Variants in CERT1 observed in about 807,000 individuals in gnomAD.
CERT1 encodes the protein ceramide transfer protein.
CERT1 carries 31 observed loss-of-function variants against 87.9 expected under a neutral mutation model. That is an observed-to-expected ratio of 0.35 (90% CI 0.27 to 0.48). The LOEUF is 0.48. CERT1 is among the 20% of genes least tolerant of loss of function. The pLI, the probability that CERT1 is intolerant of heterozygous loss-of-function variation, is 0.99. For synonymous variants in CERT1, 289 were observed against 250.9 expected, an observed-to-expected ratio of 1.15 and a Z score of -1.44; for missense variants, 487 against 758.0, an observed-to-expected ratio of 0.64 and a Z score of 4.20.
chr5:75,495,783 A>C (rs897808435), intron 2 of CERT1, among the ~76,000 whole-genome samples: 1 of 152,224 alleles, frequency 6.6e-6, no homozygotes, highest in Admixed American at 6.5e-5. Context: ...CAAAACATAG[A>C]AAAAAGTAAA....
intron 5 of CERT1, among the ~76,000 whole-genome samples, chr5:75,422,363 C>G (rs1273583954): frequency 6.6e-6 from 1 of 152,194 alleles, no homozygotes; most frequent in Non-Finnish European, 1.5e-5. Flanking sequence ...TGCCTGTAAT[C>G]CCAGCACTTT....
chr5:75,484,430 C>G (rs1334332913), intron 2 of CERT1, among the ~76,000 whole-genome samples: 2 of 150,826 alleles, frequency 1.3e-5, no homozygotes, highest in Non-Finnish European at 3.0e-5. Flanking sequence ...GGACTAAACT[C>G]TCCAATCAAA....
chr5:75,400,196 T>G lies in CERT1; in HGVS notation c.1110+9A>C. 6.4e-7 allele frequency: 1 copy of G among 1,571,012 alleles called. No individual in the cohort carries two copies. The highest frequency in any genetic ancestry group is 1.1e-5 in the South Asian group (1 of 89,800). On this transcript the variant is annotated intron_variant, in intron 10 of 16. Coordinates refer to ENST00000643780, the MANE Select transcript of CERT1 (RefSeq NM_001379029.1). ...GGTGTACTTTTAGTAAACTCTGACATTAGCTTACCTTTTGGACAAATCTAT... is the reference window on the plus strand; with the variant it reads ...GGTGTACTTTTAGTAAACTCTGACAGTAGCTTACCTTTTGGACAAATCTAT...
At chr5:75,401,947 C>T (rs565175577) in intron 9 of CERT1, 2 of 152,310 alleles carry the variant, frequency 1.3e-5, no homozygotes, top group East Asian at 3.9e-4. Context: ...GTTAAGCTTC[C>T]ACCATAACTA....
rs1009151485 is a variant in CERT1, at chr5:75,404,305, A to AC, written c.931-1248_931-1247insG. 1.3e-4 allele frequency among the ~76,000 whole-genome samples: 19 copies of AC among 151,878 alleles called. No individual in the cohort carries two copies. In the South Asian group the frequency reaches 2.1e-3, roughly 17 times the overall value. On this transcript the variant is annotated intron_variant, in intron 8 of 16. Transcript: ENST00000643780. The stretch of plus-strand genomic sequence containing the variant: ...AACCTACTTCATAAAAAAAAAAAAA[A>AC]AAAAAAAAACAACTTTCTATTCAGA...
downstream of CERT1, chr5:75,374,145 T>C (rs1448578615): frequency 2.5e-6 from 1 of 400,368 alleles, no homozygotes; most frequent in East Asian, 3.6e-5. Flanking sequence ...GCTTTTTTTT[T>C]TCTTTTTTTC....
intron 3 of CERT1, among the ~76,000 whole-genome samples, chr5:75,448,760 C>T (rs1041556873): frequency 6.6e-6 from 1 of 152,140 alleles, no homozygotes; most frequent in African/African-American, 2.4e-5. Flanking sequence ...AATTTAAATA[C>T]CACATTAGGG....
At chr5:75,502,573 A>G (rs1767425779) in intron 2 of CERT1, among the ~76,000 whole-genome samples, 1 of 152,140 alleles carries the variant, frequency 6.6e-6, no homozygotes, top group Non-Finnish European at 1.5e-5. Context: ...AATAGGCTTA[A>G]TATGATACCA....
At chr5:75,496,541 T>G (rs766105188) in intron 2 of CERT1, among the ~76,000 whole-genome samples, 1 of 152,238 alleles carries the variant, frequency 6.6e-6, no homozygotes, top group Non-Finnish European at 1.5e-5. Flanking sequence ...GCAGCCTTAT[T>G]TATTGTATCT....
At chr5:75,444,234 T>A (rs952439461) in intron 3 of CERT1, among the ~76,000 whole-genome samples, 2 of 152,000 alleles carry the variant, frequency 1.3e-5, no homozygotes, top group Non-Finnish European at 2.9e-5. Context: ...TTTTATAGTT[T>A]TAGTAGAGAT....
intron 8 of CERT1, among the ~76,000 whole-genome samples, chr5:75,404,824 C>T (rs1002137309): frequency 6.6e-6 from 1 of 152,110 alleles, no homozygotes; most frequent in Admixed American, 6.6e-5. Flanking sequence ...GCCAGGCCAA[C>T]ATGACGAAAA....
chr5:75,510,225 A>AAT (rs1767869427), intron 1 of CERT1, among the ~76,000 whole-genome samples: 1 of 152,080 alleles, frequency 6.6e-6, no homozygotes. Flanking sequence ...CCATGTCTAA[A>AAT]AAAGTTTAAC....
In CERT1 at chr5:75,454,817, G is replaced by A. The variant is rs181668663; in HGVS notation, c.348+4248C>T. Among the ~76,000 whole-genome samples, 214 of 152,298 alleles carry A rather than the reference G, an allele frequency of 1.4e-3. 1 individual carries two copies. Among genetic ancestry groups the A allele is most frequent in the African/African-American group, 4.3e-3 (178 of 41,566 alleles). ...TAAGTGGATGCCTCATGAGCTGAGT[G>A]AAAATTTTAAAAATCGCAAGTTTTG... On this transcript the variant is annotated intron_variant, in intron 3 of 16. Coordinates refer to ENST00000643780, the MANE Select transcript of CERT1 (RefSeq NM_001379029.1).
intron 2 of CERT1, among the ~76,000 whole-genome samples, chr5:75,478,282 C>A (rs893123233): frequency 6.6e-6 from 1 of 151,346 alleles, no homozygotes. Context: ...CTGCTGCATT[C>A]CAGCCTGGGT....
intron 11 of CERT1, among the ~76,000 whole-genome samples, chr5:75,397,972 T>A (rs1762323593): frequency 2.0e-5 from 3 of 152,138 alleles, no homozygotes; most frequent in Admixed American, 6.6e-5. Context: ...TGAGCCCAGA[T>A]CGTGCCACTG....
intron 2 of CERT1, among the ~76,000 whole-genome samples, chr5:75,493,118 C>T (rs1201568791): frequency 2.6e-5 from 4 of 152,194 alleles, no homozygotes; most frequent in African/African-American, 7.2e-5. Flanking sequence ...AGAAGACAGA[C>T]GTCTGTGTCT....
chr5:75,423,385 A>G (rs182826525), intron 5 of CERT1, among the ~76,000 whole-genome samples: 113 of 60,354 alleles, frequency 1.9e-3, no homozygotes, highest in East Asian at 0.013. Flanking sequence ...TTTAGAGGGG[A>G]AAAAAAAAAA....
intron 3 of CERT1, among the ~76,000 whole-genome samples, chr5:75,445,210 T>C (rs916521511): frequency 3.3e-5 from 5 of 152,258 alleles, no homozygotes; most frequent in Non-Finnish European, 7.3e-5. Flanking sequence ...TGTATCATTT[T>C]CTTAAATCAT....
intron 3 of CERT1, among the ~76,000 whole-genome samples, chr5:75,437,768 TAAAA>T (rs201506124): frequency 9.0e-6 from 1 of 110,678 alleles, no homozygotes. Flanking sequence ...TCTGTCTCAT[TAAAA>T]AAAAAAAAAA....
Sources: gnomAD v4.1 joint callset for allele counts (sites outside exome capture counted in the v4.1 genomes callset) on GRCh38, gnomAD v4.1.1 for gene constraint, MANE v1.5 for transcripts, NCBI Gene and HGNC (gene_info 2026-07-23, HGNC 2026-07-21) for gene names.